Variants in CEP290 observed in about 807,000 individuals in gnomAD.
CEP290 encodes centrosomal protein 290.
A neutral mutation model predicts 344.9 loss-of-function variants in CEP290; 317 were observed. That is an observed-to-expected ratio of 0.92 (90% confidence interval 0.84 to 1.01). The LOEUF (loss-of-function observed/expected upper bound fraction) is 1.01, where lower values mean the gene tolerates loss of function less well. Among genes scored for constraint, CEP290 ranks in the 50% least tolerant of loss-of-function variants. CEP290 has a pLI of 0.00. For synonymous variants in CEP290, 932 were observed against 895.8 expected (o/e 1.04, Z -0.72); for missense variants, 2,754 against 2,761.4 (o/e 1.00, Z 0.06).
At position 88,083,847 on chromosome 12, in the gene CEP290, C is replaced by G. The variant is rs369030385; in HGVS notation, c.4812G>C (p.Trp1604Cys). Residue 1604 changes from tryptophan (W) to cysteine (C), a missense_variant and splice_region_variant, in exon 36 of 54, where the codon TGG becomes TGC. Coordinates refer to ENST00000552810, the MANE Select transcript of CEP290 (RefSeq NM_025114.4). ...TGGAACAAAGTTCTTAGAATCTTAC[C>G]CAAGCCGTTTGTTTGAATTTATTTA... Reference protein sequence around the residue: ...SSLNKFKQTAWDLMKQSPTPV... With the variant: ...SSLNKFKQTACDLMKQSPTPV... 1 of 1,551,606 alleles carries G rather than the reference C, an allele frequency of 6.4e-7. No homozygotes were observed. Among genetic ancestry groups the G allele is most frequent in the African/African-American group, 1.4e-5 (1 of 73,034 alleles).
At position 88,106,688 on chromosome 12, in the gene CEP290, A is replaced by G. The variant is rs1419815767; in HGVS notation, c.2804T>C (p.Leu935Ser). The change falls in exon 25 of 54, where the codon TTG becomes TCG. Residue 935 changes from leucine (L) to serine (S), a missense_variant. Coordinates refer to ENST00000552810, the MANE Select transcript of CEP290 (RefSeq NM_025114.4). Reference sequence around the variant, plus strand: ...AATCAGATGTACCTTAAATCTTTGCAAACACCCAATTTTTTCACAAACTTC... The same window carrying G: ...AATCAGATGTACCTTAAATCTTTGCGAACACCCAATTTTTTCACAAACTTC... ...EAEVCEKIGC[L>S]QRFKEMAIFK... 1.2e-6 allele frequency: 2 copies of G among 1,606,884 alleles called. No individual in the cohort carries two copies. The highest frequency in any genetic ancestry group is 2.7e-5 in the African/African-American group (2 of 74,722).
At chr12:88,120,030 AAAT>A (rs1592639107) in intron 15 of CEP290, 81 bp downstream of exon 15, 22 of 855,078 alleles carry the variant, frequency 2.6e-5, no homozygotes, top group Non-Finnish European at 3.5e-5. Context: ...ACTACTTAAT[AAAT>A]AATAATAAAC....
chr12:88,111,647 C>T (rs2038698903), intron 21 of CEP290, 47 bp downstream of exon 21: 1 of 1,459,572 alleles, frequency 6.9e-7, no homozygotes, highest in Non-Finnish European at 9.1e-7. Flanking sequence ...CCTATTAAAT[C>T]TACATTCTTA....
intron 23 of CEP290, among the ~76,000 whole-genome samples, chr12:88,108,453 C>T (rs2038447096): frequency 6.6e-6 from 1 of 152,078 alleles, no homozygotes; most frequent in Admixed American, 6.6e-5. Context: ...TATGACCTGC[C>T]CTACAACTAG....
rs139444401 is a variant in CEP290 at position 88,101,071 on chromosome 12, G to A, written c.2991+1767C>T. Reference sequence around the variant, plus strand: ...ATTCATGTTTAGAATGATCATTCTTGTGGCAGTAAGGAGGATGTAAGACTG... The same window carrying A: ...ATTCATGTTTAGAATGATCATTCTTATGGCAGTAAGGAGGATGTAAGACTG... On this transcript the variant is annotated intron_variant, in intron 26 of 53. Transcript: ENST00000552810. 6.1e-4 allele frequency among the ~76,000 whole-genome samples: 93 copies of A among 152,240 alleles called. 2 individuals carry two copies. The highest frequency in any genetic ancestry group is 3.4e-3 in the Middle Eastern group (1 of 294).
At chr12:88,105,894 C>T (rs1019814208) in intron 25 of CEP290, among the ~76,000 whole-genome samples, 1 of 151,958 alleles carries the variant, frequency 6.6e-6, no homozygotes, top group Non-Finnish European at 1.5e-5. Context: ...CAAGCATGTG[C>T]CACTACACCA....
intron 4 of CEP290, 26 bp from the exon 5 acceptor site, chr12:88,139,217 C>T (rs202011058): frequency 2.3e-5 from 22 of 952,282 alleles, no homozygotes; most frequent in South Asian, 1.2e-4. Context: ...AAAAGAAAAA[C>T]GTTTTAATTG....
chr12:88,139,724 T>G (rs1302061070), intron 3 of CEP290, among the ~76,000 whole-genome samples, 160 bp from the exon 4 acceptor site: 1 of 152,206 alleles, frequency 6.6e-6, no homozygotes, highest in African/African-American at 2.4e-5. Flanking sequence ...TTTTGGTTTT[T>G]GTTTTTGTTT....
At position 88,099,406 on chromosome 12, in the gene CEP290, C is replaced by G. The variant is rs922718753; in HGVS notation, c.2992-2407G>C. Among the ~76,000 whole-genome samples the G allele has an allele frequency of 3.9e-5, 6 of 152,236 alleles. No individual in the cohort carries two copies. The East Asian group carries it at 1.2e-3, about 29-fold the overall frequency. ...GGTAATTCTGTACAACAGAATAGAG[C>G]TGTGAGGAAAAAGGCTGGCGATATA... On this transcript the variant is annotated intron_variant, in intron 26 of 53. Coordinates refer to ENST00000552810, the MANE Select transcript of CEP290 (RefSeq NM_025114.4).
rs951324086 is a variant in CEP290 at position 88,049,381 on chromosome 12, T to C, written c.7243A>G (p.Asn2415Asp). The change falls in exon 54 of 54, where the codon AAT (asparagine) becomes GAT (aspartate). Residue 2415 changes from asparagine to aspartate, a missense_variant. By Grantham distance (23) the Asn-to-Asp change is conservative. Transcript: ENST00000552810. The part of the protein sequence containing the change: ...EIKKLKKELE[N>D]FDPSFFEEIE... ...TCTTCAAAAAATGAAGGATCAAAATTTTCCAGTTCTTTTTTCAGCTTCTTT... is the reference window on the plus strand; with the variant it reads ...TCTTCAAAAAATGAAGGATCAAAATCTTCCAGTTCTTTTTTCAGCTTCTTT... 23 of 1,538,334 alleles carry C rather than the reference T, an allele frequency of 1.5e-5. No homozygotes were observed. The highest frequency in any genetic ancestry group is 2.0e-5 in the Non-Finnish European group (22 of 1,126,096).
intron 7 of CEP290, 44 bp from the exon 8 acceptor site, chr12:88,130,609 T>A (rs751577944): frequency 3.4e-6 from 5 of 1,475,142 alleles, no homozygotes; most frequent in African/African-American, 1.4e-5. Flanking sequence ...ATGAGAAAGG[T>A]AATACATAAT....
intron 26 of CEP290, among the ~76,000 whole-genome samples, chr12:88,101,405 C>T (rs1225362124): frequency 1.4e-5 from 2 of 145,838 alleles, no homozygotes; most frequent in African/African-American, 2.6e-5. Flanking sequence ...GGCCTGAACC[C>T]GGGAGGTGGA....
At chr12:88,113,442 G>A (rs1041577185) in intron 20 of CEP290, among the ~76,000 whole-genome samples, 5 of 151,998 alleles carry the variant, frequency 3.3e-5, no homozygotes, top group Non-Finnish European at 7.4e-5. Context: ...GCCTCAGGAA[G>A]TTTTTAACAT....
chr12:88,050,781 AGG>A (rs1297096905), intron 52 of CEP290, among the ~76,000 whole-genome samples: 1 of 152,204 alleles, frequency 6.6e-6, no homozygotes, highest in Non-Finnish European at 1.5e-5. Flanking sequence ...CTGTTGGGTA[AGG>A]GACTATAACC....
Position 88,111,810 on chromosome 12 carries a change from A to C in CEP290, c.2101T>G (p.Leu701Val). The change falls in exon 21 of 54, where the codon TTG (leucine) becomes GTG (valine). Residue 701 changes from leucine to valine, a missense_variant. Physicochemically the swap from Leu to Val is conservative, Grantham distance 32 (BLOSUM62 1). Coordinates refer to ENST00000552810, the MANE Select transcript of CEP290 (RefSeq NM_025114.4). ...GTAAGCTGATCAACTTGGGCTTTCAAATGCAGACTCGCATCAAAGATTCCT... is the reference window on the plus strand; with the variant it reads ...GTAAGCTGATCAACTTGGGCTTTCACATGCAGACTCGCATCAAAGATTCCT... The part of the protein sequence containing the change: ...AEGIFDASLH[L>V]KAQVDQLTGR... 6.2e-7 allele frequency: 1 copy of C among 1,605,248 alleles called. No individual in the cohort carries two copies. Among genetic ancestry groups the C allele is most frequent in the South Asian group, 1.1e-5 (1 of 89,266 alleles).
chr12:88,072,817 T>G (rs567195066), intron 41 of CEP290, among the ~76,000 whole-genome samples: 2 of 152,238 alleles, frequency 1.3e-5, no homozygotes, highest in African/African-American at 4.8e-5. Flanking sequence ...AATCTTACTA[T>G]CTAGTTTATA....
Position 88,089,357 on chromosome 12 carries a change from T to C in CEP290, c.3704A>G (p.Asn1235Ser), listed in dbSNP as rs1344828907. The C allele has an allele frequency of 6.2e-7, 1 of 1,614,008 alleles. No homozygotes were observed. Among genetic ancestry groups the C allele is most frequent in the East Asian group, 2.2e-5 (1 of 44,878 alleles). ...ATCAAGTTTCTGCTCTAAGCGCAAG[T>C]TGTAGGCCTCCATCTTCTGCAGTTT... is the stretch of plus-strand genomic sequence containing the variant. ...TSKLQKMEAY[N>S]LRLEQKLDEK... The change falls in exon 31 of 54, where the codon AAC becomes AGC. Residue 1235 changes from asparagine to serine, a missense_variant. Asn to Ser is a conservative substitution (Grantham distance 46). Coordinates refer to ENST00000552810, the MANE Select transcript of CEP290 (RefSeq NM_025114.4).
chr12:88,076,141 A>G (rs375770963), intron 41 of CEP290, among the ~76,000 whole-genome samples: 2 of 152,122 alleles, frequency 1.3e-5, no homozygotes, highest in Admixed American at 6.6e-5. Flanking sequence ...CCTATCCCCA[A>G]TTAGGGAGTT....
At chr12:88,112,608 T>A (rs976055262) in intron 20 of CEP290, among the ~76,000 whole-genome samples, 2 of 151,980 alleles carry the variant, frequency 1.3e-5, no homozygotes, top group Non-Finnish European at 2.9e-5. Context: ...ATGAACTGTA[T>A]GGAAAAAACT....
Sources: gnomAD v4.1 joint callset for allele counts (sites outside exome capture counted in the v4.1 genomes callset) on GRCh38, gnomAD v4.1.1 for gene constraint, MANE v1.5 for transcripts, NCBI Gene and HGNC (gene_info 2026-07-23, HGNC 2026-07-21) for gene names.